The following DLGAP3 variants were observed in gnomAD, a reference collection of about 807,000 sequenced individuals.
The protein encoded by DLGAP3 is disks large-associated protein 3.
Under a neutral mutation model 81.2 loss-of-function variants are expected in DLGAP3, and 17 were observed. The ratio of observed to expected loss-of-function variants is 0.21; its 90% CI spans 0.14 to 0.31. DLGAP3 has a LOEUF of 0.31. DLGAP3 is among the 10% of genes least tolerant of loss of function. The pLI, the probability that DLGAP3 is intolerant of heterozygous loss-of-function variation, is 1.00. For synonymous variants in DLGAP3, 577 were observed against 587.4 expected, an observed-to-expected ratio of 0.98 and a Z score of 0.26; for missense variants, 1,124 against 1,388.0, an observed-to-expected ratio of 0.81 and a Z score of 3.02.
chr1:34,926,506 G>C (rs368794061), intron 1 of DLGAP3, among the ~76,000 whole-genome samples: 2 of 152,132 alleles, frequency 1.3e-5, no homozygotes, highest in Non-Finnish European at 2.9e-5. Flanking sequence ...TGGAGGGTAC[G>C]CAGCTGTTCT....
chr1:34,903,342 C>T (rs1454837472), intron 3 of DLGAP3, among the ~76,000 whole-genome samples: 3 of 152,206 alleles, frequency 2.0e-5, no homozygotes, highest in Non-Finnish European at 1.5e-5. Context: ...ACTGTGAGCT[C>T]CTCACAAGCA....
intron 1 of DLGAP3, chr1:34,925,281 C>T (rs540885996): frequency 6.5e-6 from 1 of 152,902 alleles, no homozygotes; most frequent in South Asian, 2.1e-4. Flanking sequence ...ACCCACCTTC[C>T]TTCAGCCCAG....
intron 8 of DLGAP3, among the ~76,000 whole-genome samples, chr1:34,870,966 CAT>C (rs904296334): frequency 1.3e-5 from 2 of 152,190 alleles, no homozygotes; most frequent in African/African-American, 4.8e-5. Context: ...AATATACACA[CAT>C]ATACATCTAA....
At chr1:34,920,542 C>T (rs1434140038) in intron 1 of DLGAP3, among the ~76,000 whole-genome samples, 8 of 152,154 alleles carry the variant, frequency 5.3e-5, no homozygotes, top group Admixed American at 5.2e-4. Context: ...TACATTTGTG[C>T]ATGCATGTGT....
chr1:34,910,152 T>G (rs1639617528), intron 1 of DLGAP3, among the ~76,000 whole-genome samples: 2 of 152,192 alleles, frequency 1.3e-5, no homozygotes, highest in African/African-American at 2.4e-5. Flanking sequence ...AGTTCTGGCA[T>G]CATCGGGCCA....
At chr1:34,890,369 T>C (rs771045703) in intron 5 of DLGAP3, among the ~76,000 whole-genome samples, 7 of 152,258 alleles carry the variant, frequency 4.6e-5, no homozygotes, top group Non-Finnish European at 1.0e-4. Context: ...GGAGACAGCC[T>C]CTGAAATAGC....
chr1:34,885,766 G>T lies in DLGAP3; in HGVS notation c.1626C>A (p.Pro542=). The change falls in exon 7 of 12, where the codon CCC becomes CCA. Residue 542 remains proline (P), a synonymous_variant. Transcript: ENST00000373347. ...GGGCCTGGCTTCCCGGCGGGATGGGGGGCGGGGCCTTTCTGAAGTTGAAGG... is the reference window on the plus strand; with the variant it reads ...GGGCCTGGCTTCCCGGCGGGATGGGTGGCGGGGCCTTTCTGAAGTTGAAGG... ...GSSFNFRKAP[P]PIPPGSQAPP... 7.1e-7 allele frequency: 1 copy of T among 1,413,136 alleles called. No individual in the cohort carries two copies. Among genetic ancestry groups the T allele is most frequent in the East Asian group, 2.7e-5 (1 of 37,198 alleles). The allele number at this position is 1,413,136 out of a possible 1,614,324, so 87.5% of individuals were successfully genotyped here.
At chr1:34,916,489 G>A (rs898072051) in intron 1 of DLGAP3, among the ~76,000 whole-genome samples, 2 of 152,134 alleles carry the variant, frequency 1.3e-5, no homozygotes, top group African/African-American at 4.8e-5. Context: ...ATCCTTTGCA[G>A]TAGGCACTAT....
rs371811156 is a variant in DLGAP3, at chr1:34,882,313, C to T, written c.2000+2665G>A. 2.0e-4 allele frequency among the ~76,000 whole-genome samples: 30 copies of T among 152,192 alleles called. 1 individual carries two copies. In the East Asian group the frequency reaches 5.4e-3, roughly 27 times the overall value. On this transcript the variant is annotated intron_variant, in intron 8 of 11. Transcript: ENST00000373347. ...CTAACATGGCAACACCCCATCTCTA[C>T]TGAAAACACAAAAAACTAGCCAGGC...
intron 2 of DLGAP3, 150 bp from the exon 3 acceptor site, chr1:34,905,584 C>A (rs1639538872): frequency 1.6e-6 from 1 of 628,214 alleles, no homozygotes; most frequent in East Asian, 3.0e-5. Context: ...ACTAAAAAGT[C>A]CTTTAAATGG....
In DLGAP3 at chr1:34,885,071, C is replaced by T. The variant is rs1260622351; in HGVS notation, c.1915-8G>A. The stretch of plus-strand genomic sequence containing the variant: ...ATCTGAGATCGTCTCCACCTGGTGG[C>T]AGGGTGGAGGAGTCAGTGGCTGTGG... On this transcript the variant is annotated splice_polypyrimidine_tract_variant and splice_region_variant and intron_variant, in intron 7 of 11. Coordinates refer to ENST00000373347, the MANE Select transcript of DLGAP3 (RefSeq NM_001080418.3). 6.2e-7 allele frequency: 1 copy of T among 1,611,988 alleles called. No homozygotes were observed. Among genetic ancestry groups the T allele is most frequent in the Non-Finnish European group, 8.5e-7 (1 of 1,178,838 alleles).
intron 8 of DLGAP3, among the ~76,000 whole-genome samples, chr1:34,869,364 C>CACAG (rs1638943658): frequency 6.6e-6 from 1 of 152,126 alleles, no homozygotes; most frequent in African/African-American, 2.4e-5. Flanking sequence ...GCAGAGCAGG[C>CACAG]ACAGACCAAA....
chr1:34,885,040 G>T lies in DLGAP3; in HGVS notation c.1938C>A (p.Asp646Glu). ...GVQVETISDS[D>E]TENRSRREFH... ...ACTCCCTCCGGCTCCTGTTCTCGGT[G>T]TCCGAATCTGAGATCGTCTCCACCT... Residue 646 changes from aspartate (D) to glutamate (E), a missense_variant, in exon 8 of 12, where the codon GAC (aspartate) becomes GAA (glutamate). Transcript: ENST00000373347. 6.2e-7 allele frequency: 1 copy of T among 1,613,512 alleles called. No homozygotes were observed.
At position 34,902,594 on chromosome 1, in the gene DLGAP3, C is replaced by T. The variant is rs1023103151; in HGVS notation, c.1107+1683G>A. 2.6e-5 allele frequency among the ~76,000 whole-genome samples: 4 copies of T among 152,030 alleles called. No individual in the cohort carries two copies. The highest frequency in any genetic ancestry group is 9.7e-5 in the African/African-American group (4 of 41,374). On this transcript the variant is annotated intron_variant, in intron 3 of 11. Coordinates refer to ENST00000373347, the MANE Select transcript of DLGAP3 (RefSeq NM_001080418.3). The surrounding 1 kb of genome is among the most constrained non-coding windows in gnomAD (Gnocchi z 4.4). The stretch of plus-strand genomic sequence containing the variant: ...GGGTCCCTATAGCCCTTTGGTTCTT[C>T]CCCACATGGGCTCAGACTTCCCAGT...
At position 34,867,246 on chromosome 1, in the gene DLGAP3, G is replaced by T; in HGVS notation, c.2578-55C>A. 1 of 1,611,052 alleles carries T rather than the reference G, an allele frequency of 6.2e-7. No homozygotes were observed. The highest frequency in any genetic ancestry group is 1.7e-5 in the Admixed American group (1 of 59,974). ...ATTGGTCAAGGAGGTCTGAGCCCCA[G>T]CCAGGACAAGAGAAAGTCCTATCCA... On this transcript the variant is annotated intron_variant, in intron 10 of 11. Transcript: ENST00000373347. The surrounding 1 kb of genome is among the most constrained non-coding windows in gnomAD (Gnocchi z 4.3).
Position 34,885,684 on chromosome 1 carries a change from T to C in DLGAP3, c.1708A>G (p.Thr570Ala), listed in dbSNP as rs1639212489. The change falls in exon 7 of 12, where the codon ACG (threonine) becomes GCG (alanine). Residue 570 changes from threonine (T) to alanine (A), a missense_variant. Thr to Ala is a moderately conservative substitution (Grantham distance 58, BLOSUM62 0). Transcript: ENST00000373347. Reference protein sequence around the residue: ...SSTDSAHESFTAAEGPARRCS... With the variant: ...SSTDSAHESFAAAEGPARRCS... ...CGCCGGGCGGGGCCCTCGGCCGCCGTGAAGCTCTCGTGCGCGGAGTCGGTG... is the reference window on the plus strand; with the variant it reads ...CGCCGGGCGGGGCCCTCGGCCGCCGCGAAGCTCTCGTGCGCGGAGTCGGTG... 3 of 1,408,582 alleles carry C rather than the reference T, an allele frequency of 2.1e-6. No homozygotes were observed. The highest frequency in any genetic ancestry group is 9.2e-7 in the Non-Finnish European group (1 of 1,090,884). The allele number at this position is 1,408,582 out of a possible 1,614,324, so 87.3% of individuals were successfully genotyped here. A position where few individuals can be genotyped will look rare whatever the true frequency, so the allele number is the denominator to read the frequency against.
intron 5 of DLGAP3, among the ~76,000 whole-genome samples, chr1:34,897,090 G>C (rs776336347): frequency 4.6e-5 from 7 of 151,972 alleles, no homozygotes; most frequent in Non-Finnish European, 7.4e-5. Flanking sequence ...ATGGAAAAAG[G>C]TGTTTTAGGC....
intron 1 of DLGAP3, among the ~76,000 whole-genome samples, chr1:34,923,519 T>C (rs909192405): frequency 1.3e-5 from 2 of 151,928 alleles, no homozygotes; most frequent in African/African-American, 2.4e-5. Context: ...AGAGCAGGAC[T>C]CTCTAAGGGG....
At chr1:34,872,916 T>A (rs1639001655) in intron 8 of DLGAP3, among the ~76,000 whole-genome samples, 1 of 152,166 alleles carries the variant, frequency 6.6e-6, no homozygotes, top group Admixed American at 6.5e-5. Context: ...TTGTTTTCCA[T>A]CACTGAATTT....
Sources: allele counts gnomAD v4.1 joint callset (sites outside exome capture counted in the v4.1 genomes callset), GRCh38; gene constraint gnomAD v4.1.1; non-coding constraint Gnocchi (gnomAD v3.1); transcripts MANE v1.5; gene names NCBI Gene and HGNC (gene_info 2026-07-23, HGNC 2026-07-21).